The following FRMD4A variants were observed in gnomAD, a reference collection of about 807,000 sequenced individuals.
The protein encoded by FRMD4A is FERM domain containing 4A.
FRMD4A carries 29 observed loss-of-function variants against 129.1 expected under a neutral mutation model. That is an observed-to-expected ratio of 0.22 (90% CI 0.17 to 0.31). The LOEUF is 0.31. FRMD4A is among the 10% of genes least tolerant of loss of function. The pLI is 1.00. For synonymous variants in FRMD4A, 634 were observed against 571.6 expected, an observed-to-expected ratio of 1.11 and a Z score of -1.56; for missense variants, 1,272 against 1,375.8, an observed-to-expected ratio of 0.92 and a Z score of 1.19.
In FRMD4A at chr10:14,330,045, T is replaced by C. The variant is rs200158468; in HGVS notation, c.45+13A>G. On this transcript the variant is annotated intron_variant, in intron 2 of 24. Coordinates refer to ENST00000357447, the MANE Select transcript of FRMD4A (RefSeq NM_018027.5). ...GACGCTGCCCGGGCCCCACCTCCTG[T>C]CTGAACACTCACCATCAGCAGGCCG... is the stretch of plus-strand genomic sequence containing the variant. 1 of 1,552,080 alleles carries C rather than the reference T, an allele frequency of 6.4e-7. No homozygotes were observed. The highest frequency in any genetic ancestry group is 2.4e-5 in the East Asian group (1 of 40,986).
intron 2 of FRMD4A, among the ~76,000 whole-genome samples, chr10:14,073,609 T>C (rs963598543): frequency 7.9e-5 from 12 of 152,050 alleles, no homozygotes; most frequent in Non-Finnish European, 1.8e-4. Context: ...GCTGATGTTG[T>C]TGGCATTGTC....
chr10:13,999,395 T>A (rs1017422823), intron 2 of FRMD4A, among the ~76,000 whole-genome samples: 2 of 152,224 alleles, frequency 1.3e-5, no homozygotes, highest in Non-Finnish European at 2.9e-5. Flanking sequence ...GTCCTAGGTA[T>A]TCCATTCCCA....
chr10:13,844,084 G>T (rs111284451), intron 3 of FRMD4A, among the ~76,000 whole-genome samples: 46 of 152,256 alleles, frequency 3.0e-4, no homozygotes, highest in African/African-American at 1.1e-3. Flanking sequence ...GTAGGAGAGT[G>T]TGTGTGTGTT....
chr10:14,215,145 G>A (rs915662956), intron 2 of FRMD4A, among the ~76,000 whole-genome samples: 1 of 152,140 alleles, frequency 6.6e-6, no homozygotes, highest in Non-Finnish European at 1.5e-5. Flanking sequence ...AACTAGAGAA[G>A]CCATTGTCTA....
At chr10:14,221,220 C>G (rs1356330327) in intron 2 of FRMD4A, among the ~76,000 whole-genome samples, 1 of 152,172 alleles carries the variant, frequency 6.6e-6, no homozygotes, top group Non-Finnish European at 1.5e-5. Flanking sequence ...CCTGAGGCCC[C>G]TTAACTTTTC....
At chr10:14,193,034 A>G (rs972984774) in intron 2 of FRMD4A, among the ~76,000 whole-genome samples, 1 of 152,242 alleles carries the variant, frequency 6.6e-6, no homozygotes, top group African/African-American at 2.4e-5. Context: ...ATCCTTGTCA[A>G]TATCTAGGTC....
chr10:13,887,131 G>A (rs982014793), intron 2 of FRMD4A, among the ~76,000 whole-genome samples: 1 of 152,034 alleles, frequency 6.6e-6, no homozygotes, highest in Non-Finnish European at 1.5e-5. Flanking sequence ...GAGCCTACAA[G>A]GAACTTCTCT....
At chr10:14,123,617 C>T (rs558611906) in intron 2 of FRMD4A, among the ~76,000 whole-genome samples, 1 of 152,300 alleles carries the variant, frequency 6.6e-6, no homozygotes, top group South Asian at 2.1e-4. Context: ...TTCTAAGTCT[C>T]TATACACAAA....
intron 2 of FRMD4A, among the ~76,000 whole-genome samples, chr10:14,144,908 C>T (rs534433170): frequency 2.8e-4 from 42 of 152,204 alleles, no homozygotes; most frequent in Non-Finnish European, 5.0e-4. Context: ...TGGATTTAGG[C>T]AAAGACGTGG....
At chr10:13,700,706 C>G (rs944402214) in intron 14 of FRMD4A, among the ~76,000 whole-genome samples, 2 of 151,968 alleles carry the variant, frequency 1.3e-5, no homozygotes, top group Non-Finnish European at 2.9e-5. Flanking sequence ...ATCCTCTCAC[C>G]CACCAGAAAA....
At chr10:13,701,778 G>A (rs1001436109) in intron 13 of FRMD4A, among the ~76,000 whole-genome samples, 3 of 152,148 alleles carry the variant, frequency 2.0e-5, no homozygotes, top group East Asian at 1.9e-4. Context: ...GTCCTTTTTC[G>A]ATCCTGGACT....
At chr10:13,699,893 C>T (rs985517468) in intron 14 of FRMD4A, among the ~76,000 whole-genome samples, 3 of 152,204 alleles carry the variant, frequency 2.0e-5, no homozygotes, top group African/African-American at 7.2e-5. Flanking sequence ...GGACCCATCA[C>T]TGCCAGGAGA....
chr10:13,984,171 C>T (rs1011659932), intron 2 of FRMD4A, among the ~76,000 whole-genome samples: 7 of 152,152 alleles, frequency 4.6e-5, no homozygotes, highest in African/African-American at 1.7e-4. Context: ...CAGCAAAACC[C>T]AGGACAGATT....
intron 3 of FRMD4A, among the ~76,000 whole-genome samples, chr10:13,812,909 A>C (rs1048526654): frequency 1.3e-5 from 2 of 152,150 alleles, no homozygotes; most frequent in African/African-American, 4.8e-5. Flanking sequence ...ACCCTCCCTC[A>C]CTCCTGGTGG....
At chr10:13,882,154 G>A (rs2131127020) in intron 2 of FRMD4A, among the ~76,000 whole-genome samples, 1 of 152,096 alleles carries the variant, frequency 6.6e-6, no homozygotes, top group Non-Finnish European at 1.5e-5. Flanking sequence ...TGAGGTGGGG[G>A]TTGTGGATGT....
chr10:14,123,539 C>T (rs1350287453), intron 2 of FRMD4A, among the ~76,000 whole-genome samples: 1 of 152,188 alleles, frequency 6.6e-6, no homozygotes. Context: ...GGTAGAGCTC[C>T]TGGGCCACTT....
chr10:13,908,407 A>T (rs554743665), intron 2 of FRMD4A, among the ~76,000 whole-genome samples: 137 of 152,310 alleles, frequency 9.0e-4, no homozygotes, highest in South Asian at 5.0e-3. Context: ...AATGTAGCAT[A>T]AGCAGTATAC....
At chr10:13,800,746 C>T (rs12414795) in intron 4 of FRMD4A, among the ~76,000 whole-genome samples, 1,905 of 152,270 alleles carry the variant, frequency 0.013, 99 homozygotes, top group East Asian at 0.12. Context: ...CATTTGGATT[C>T]CAGTCTGTTG....
At chr10:14,276,424 C>T (rs1052822879) in intron 2 of FRMD4A, among the ~76,000 whole-genome samples, 3 of 152,220 alleles carry the variant, frequency 2.0e-5, no homozygotes, top group African/African-American at 4.8e-5. Flanking sequence ...CCTCACCACA[C>T]GTCTTTTGCT....
Sources: gnomAD v4.1 joint callset for allele counts (sites outside exome capture counted in the v4.1 genomes callset) on GRCh38, gnomAD v4.1.1 for gene constraint, MANE v1.5 for transcripts, NCBI Gene and HGNC (gene_info 2026-07-23, HGNC 2026-07-21) for gene names.